The following SLC9B1 variants were observed in gnomAD, a reference collection of about 807,000 sequenced individuals.
SLC9B1 encodes the protein sodium/hydrogen exchanger 9B1.
Under a neutral mutation model 51.7 loss-of-function variants are expected in SLC9B1, and 32 were observed. The observed-to-expected ratio is 0.62, with a 90% CI of 0.47 to 0.83. The LOEUF (loss-of-function observed/expected upper bound fraction) is 0.83, where lower values mean the gene tolerates loss of function less well. Among genes scored for constraint, SLC9B1 ranks in the 40% least tolerant of loss-of-function variants. SLC9B1 has a pLI of 0.00. For synonymous variants in SLC9B1, 145 were observed against 212.7 expected, an observed-to-expected ratio of 0.68 and a Z score of 2.77; for missense variants, 406 against 613.2, an observed-to-expected ratio of 0.66 and a Z score of 3.57.
chr4:102,919,490 G>A (rs113960753), intron 7 of SLC9B1, among the ~76,000 whole-genome samples: 1,856 of 152,236 alleles, frequency 0.012, 36 homozygotes, highest in African/African-American at 0.042. Context: ...CAGCATGATC[G>A]ACGCAGAAGA....
At chr4:102,979,641 T>C (rs2110508570) in intron 3 of SLC9B1, among the ~76,000 whole-genome samples, 1 of 152,314 alleles carries the variant, frequency 6.6e-6, no homozygotes, top group East Asian at 1.9e-4. Flanking sequence ...TGGAACTATG[T>C]TCATCCCCAC....
chr4:102,943,506 T>TACACACACACAC (rs373442152), intron 6 of SLC9B1, among the ~76,000 whole-genome samples: 24,933 of 145,264 alleles, frequency 0.17, 2,186 homozygotes, highest in Middle Eastern at 0.26. Context: ...TGTGTATGTA[T>TACACACACACAC]ACACACACAC....
chr4:102,894,683 G>A (rs183097444), intron 11 of SLC9B1, among the ~76,000 whole-genome samples: 337 of 152,280 alleles, frequency 2.2e-3, no homozygotes, highest in African/African-American at 6.6e-3. Context: ...GAGGCTAGGC[G>A]CAGTGGCTCA....
intron 6 of SLC9B1, among the ~76,000 whole-genome samples, chr4:102,937,723 C>CAAAAAAAAAAAA (rs35545999): frequency 1.8e-5 from 1 of 56,840 alleles, no homozygotes. Flanking sequence ...ACTCTGTCGC[C>CAAAAAAAAAAAA]AAAAAAAAAA....
intron 3 of SLC9B1, among the ~76,000 whole-genome samples, chr4:102,987,235 A>G (rs1739672871): frequency 6.6e-6 from 1 of 152,104 alleles, no homozygotes; most frequent in Non-Finnish European, 1.5e-5. Context: ...TTGGTGCAGG[A>G]TGGTTAGAGG....
chr4:102,906,410 G>A (rs1735057320), intron 10 of SLC9B1, 126 bp downstream of exon 10: 1 of 523,396 alleles, frequency 1.9e-6, no homozygotes, highest in Admixed American at 3.3e-5. Flanking sequence ...ATATGACACT[G>A]TATCAACATG....
At chr4:103,016,134 CAAA>C (rs61227731) in intron 1 of SLC9B1, among the ~76,000 whole-genome samples, 1 of 49,638 alleles carries the variant, frequency 2.0e-5, no homozygotes, top group African/African-American at 9.3e-5. Flanking sequence ...AACTCTGTCT[CAAA>C]AAAAAAAAAA....
intron 7 of SLC9B1, among the ~76,000 whole-genome samples, chr4:102,923,393 G>A (rs6853449): frequency 0.017 from 2,587 of 152,210 alleles, 70 homozygotes; most frequent in African/African-American, 0.056. Context: ...CAATAAACTA[G>A]GTATTGATGG....
At chr4:102,982,345 C>T (rs1739404996) in intron 3 of SLC9B1, among the ~76,000 whole-genome samples, 1 of 152,066 alleles carries the variant, frequency 6.6e-6, no homozygotes, top group Non-Finnish European at 1.5e-5. Flanking sequence ...TGTCAGTTCT[C>T]TGATTTTGTT....
At chr4:102,937,830 G>A (rs1460066649) in intron 6 of SLC9B1, among the ~76,000 whole-genome samples, 2 of 151,960 alleles carry the variant, frequency 1.3e-5, no homozygotes, top group Non-Finnish European at 2.9e-5. Flanking sequence ...AAATGCTAAG[G>A]GAATCTGTTA....
chr4:102,996,409 T>G (rs1254249625), intron 1 of SLC9B1, among the ~76,000 whole-genome samples: 3 of 152,228 alleles, frequency 2.0e-5, no homozygotes, highest in African/African-American at 7.2e-5. Context: ...CTTTCCTTTC[T>G]TTATCCTTAG....
chr4:102,928,855 T>A (rs1736313459), intron 7 of SLC9B1, among the ~76,000 whole-genome samples: 1 of 152,186 alleles, frequency 6.6e-6, no homozygotes, highest in South Asian at 2.1e-4. Flanking sequence ...GGAAAACAAC[T>A]GGAGTAAGTC....
At chr4:102,972,440 T>C (rs1738815197) in intron 3 of SLC9B1, among the ~76,000 whole-genome samples, 1 of 152,188 alleles carries the variant, frequency 6.6e-6, no homozygotes, top group South Asian at 2.1e-4. Context: ...GAGATGGGGT[T>C]TCACCATGTT....
chr4:102,915,022 G>A (rs1448794009), intron 7 of SLC9B1, among the ~76,000 whole-genome samples: 2 of 152,066 alleles, frequency 1.3e-5, no homozygotes, highest in African/African-American at 4.8e-5. Context: ...CAAGGGAGAT[G>A]CCATATGGTT....
intron 11 of SLC9B1, chr4:102,889,350 G>GA (rs957834339): frequency 2.0e-5 from 3 of 152,304 alleles, no homozygotes; most frequent in Non-Finnish European, 2.9e-5. Context: ...CCAGACTTTG[G>GA]AAAAAATCCA....
Position 103,006,524 on chromosome 4 carries a change from C to G in SLC9B1, c.-2+13075G>C, listed in dbSNP as rs146684604. Among the ~76,000 whole-genome samples, 812 of 152,144 alleles carry G rather than the reference C, an allele frequency of 5.3e-3. 9 individuals are homozygous for G. Among genetic ancestry groups the G allele is most frequent in the African/African-American group, 0.019 (770 of 41,516 alleles). On this transcript the variant is annotated intron_variant, in intron 1 of 11. Transcript: ENST00000296422. ...TAAAAAGGTTACCAACTAGAAAAAG[C>G]CCAGGACCAGAATGATTCACAGCCA...
intron 3 of SLC9B1, among the ~76,000 whole-genome samples, chr4:102,966,196 T>C (rs939271007): frequency 6.6e-6 from 1 of 152,350 alleles, no homozygotes; most frequent in African/African-American, 2.4e-5. Flanking sequence ...TACAGACTCT[T>C]TGTGGCAGCT....
In SLC9B1 at chr4:102,992,288, A is replaced by G. The variant is rs1396213852; in HGVS notation, c.-1-576T>C. Among the ~76,000 whole-genome samples the G allele has an allele frequency of 3.9e-5, 6 of 152,162 alleles. No homozygotes were observed. In the East Asian group the frequency reaches 1.2e-3, roughly 29 times the overall value. On this transcript the variant is annotated intron_variant, in intron 1 of 11. Transcript: ENST00000296422. The stretch of plus-strand genomic sequence containing the variant: ...TAATTACTTATAACTTTTATTTTAA[A>G]GTATCTGTTGTTTCTACCTCCTCTG...
intron 11 of SLC9B1, among the ~76,000 whole-genome samples, chr4:102,893,983 T>C (rs1432375500): frequency 3.3e-5 from 5 of 152,182 alleles, no homozygotes; most frequent in Non-Finnish European, 7.4e-5. Context: ...CCAGCACTGT[T>C]ATCAATAATT....
Sources: gnomAD v4.1 joint callset for allele counts (sites outside exome capture counted in the v4.1 genomes callset) on GRCh38, gnomAD v4.1.1 for gene constraint, MANE v1.5 for transcripts, NCBI Gene and HGNC (gene_info 2026-07-23, HGNC 2026-07-21) for gene names.